The following DOCK1 variants were observed in gnomAD, a reference collection of about 807,000 sequenced individuals.
The protein encoded by DOCK1 is dedicator of cytokinesis 1, also known as dedicator of cytokinesis protein 1.
A neutral mutation model predicts 262.7 loss-of-function variants in DOCK1; 138 were observed. The ratio of observed to expected loss-of-function variants is 0.53; its 90% confidence interval spans 0.46 to 0.61. The LOEUF (loss-of-function observed/expected upper bound fraction) is 0.61, where lower values mean the gene tolerates loss of function less well. Among genes scored for constraint, DOCK1 ranks in the 20% least tolerant of loss-of-function variants. The pLI is 0.00. For synonymous variants in DOCK1, 866 were observed against 867.4 expected, an observed-to-expected ratio of 1.00 and a Z score of 0.03; for missense variants, 1,908 against 2,370.7, an observed-to-expected ratio of 0.80 and a Z score of 4.05.
At chr10:127,336,748 C>T (rs1368797592) in intron 29 of DOCK1, among the ~76,000 whole-genome samples, 3 of 152,080 alleles carry the variant, frequency 2.0e-5, no homozygotes, top group Non-Finnish European at 2.9e-5. Flanking sequence ...ACTGTGTTAG[C>T]CAGGATGGTC....
intron 29 of DOCK1, among the ~76,000 whole-genome samples, chr10:127,326,638 A>G (rs1049393290): frequency 2.6e-5 from 4 of 152,232 alleles, no homozygotes; most frequent in East Asian, 1.9e-4. Flanking sequence ...TCCAAACTCC[A>G]GTTAATGTTG....
At chr10:127,028,105 T>G (rs980866301) in intron 16 of DOCK1, among the ~76,000 whole-genome samples, 1 of 151,988 alleles carries the variant, frequency 6.6e-6, no homozygotes, top group East Asian at 1.9e-4. Flanking sequence ...GCCGAAAGCA[T>G]CATTGCATTC....
At position 127,000,289 on chromosome 10, in the gene DOCK1, C is replaced by G. The variant is rs772785460; in HGVS notation, c.967C>G (p.Arg323Gly). The G allele has an allele frequency of 5.0e-6, 8 of 1,613,904 alleles. No homozygotes were observed. Among genetic ancestry groups the G allele is most frequent in the Non-Finnish European group, 2.5e-6 (3 of 1,179,834 alleles). Residue 323 changes from arginine to glycine, a missense_variant, in exon 10 of 52, where the codon CGA becomes GGA. Around this residue, in one of 9 missense-constraint regions of DOCK1, gnomAD observed 102 missense variants for 154.9 expected, o/e 0.66. Transcript: ENST00000623213. ...CAGGAAACTGACCTCGGGGTTGCGG[C>G]GACCTTTTGGAGTGGCTGGTAATCT... is the stretch of plus-strand genomic sequence containing the variant. ...NTRKLTSGLR[R>G]PFGVAVMDVT...
At position 127,196,456 on chromosome 10, in the gene DOCK1, G is replaced by A. The variant is rs182429966; in HGVS notation, c.2848-51552G>A. 2.8e-3 allele frequency among the ~76,000 whole-genome samples: 422 copies of A among 148,648 alleles called. 2 individuals are homozygous for A. Among genetic ancestry groups the A allele is most frequent in the African/African-American group, 9.9e-3 (407 of 41,202 alleles). On this transcript the variant is annotated intron_variant, in intron 27 of 51. Coordinates refer to ENST00000623213, the MANE Select transcript of DOCK1 (RefSeq NM_001290223.2). ...CAGGAGGCGGGGGCGGGGCAGAGGA[G>A]GGAGCAGGAGGGAAGTCCTTTCCGC...
intron 27 of DOCK1, among the ~76,000 whole-genome samples, chr10:127,229,528 C>T (rs1564919787): frequency 6.6e-6 from 1 of 152,228 alleles, no homozygotes; most frequent in East Asian, 1.9e-4. Context: ...AAATAATGCC[C>T]TCCAGGTCCA....
intron 1 of DOCK1, among the ~76,000 whole-genome samples, chr10:126,912,550 C>G (rs558456045): frequency 6.6e-6 from 1 of 151,420 alleles, no homozygotes; most frequent in East Asian, 2.0e-4. Flanking sequence ...CACGGTGAAA[C>G]CCTGTCTCTA....
intron 29 of DOCK1, among the ~76,000 whole-genome samples, chr10:127,322,948 C>T (rs924245884): frequency 6.6e-6 from 1 of 152,244 alleles, no homozygotes; most frequent in African/African-American, 2.4e-5. Flanking sequence ...TAATCAATCA[C>T]TCTGATGTAA....
At chr10:127,074,185 A>G (rs1301101581) in intron 23 of DOCK1, among the ~76,000 whole-genome samples, 2 of 152,222 alleles carry the variant, frequency 1.3e-5, no homozygotes, top group Admixed American at 6.5e-5. Context: ...ACTTTTGTGT[A>G]TGTATTGATG....
At chr10:127,317,041 G>T (rs1332630523) in intron 29 of DOCK1, among the ~76,000 whole-genome samples, 1 of 151,950 alleles carries the variant, frequency 6.6e-6, no homozygotes, top group Non-Finnish European at 1.5e-5. Context: ...CATTTTCCTG[G>T]ATTATTTCCC....
intron 29 of DOCK1, among the ~76,000 whole-genome samples, chr10:127,310,015 A>G (rs2062007787): frequency 6.6e-6 from 1 of 151,964 alleles, no homozygotes; most frequent in African/African-American, 2.4e-5. Context: ...AGCTGGGACT[A>G]CAAGCACGTG....
chr10:126,937,467 T>C (rs1230751153), intron 1 of DOCK1, among the ~76,000 whole-genome samples: 1 of 152,116 alleles, frequency 6.6e-6, no homozygotes, highest in East Asian at 1.9e-4. Context: ...TACACAGGGG[T>C]TTGAGTTTCT....
chr10:127,076,870 G>A (rs895503399), intron 23 of DOCK1, among the ~76,000 whole-genome samples: 4 of 152,152 alleles, frequency 2.6e-5, no homozygotes, highest in Admixed American at 6.5e-5. Flanking sequence ...TGTCCCTGGG[G>A]TGCAGGAATT....
At chr10:126,987,092 G>A (rs963926937) in intron 4 of DOCK1, among the ~76,000 whole-genome samples, 18 of 152,088 alleles carry the variant, frequency 1.2e-4, no homozygotes, top group African/African-American at 3.6e-4. Context: ...TGAGTTTTAT[G>A]CGTGATGGAA....
intron 27 of DOCK1, among the ~76,000 whole-genome samples, chr10:127,150,927 G>T (rs931418590): frequency 1.3e-5 from 2 of 152,266 alleles, no homozygotes. Context: ...GAAAACGTCT[G>T]GGCCTCACCT....
intron 29 of DOCK1, among the ~76,000 whole-genome samples, chr10:127,337,572 G>A (rs1165730684): frequency 2.0e-5 from 3 of 152,116 alleles, no homozygotes; most frequent in Non-Finnish European, 4.4e-5. Context: ...GCAACCCTGC[G>A]GCTGAGGAAT....
intron 23 of DOCK1, among the ~76,000 whole-genome samples, chr10:127,076,713 C>G (rs772030399): frequency 1.3e-5 from 2 of 152,140 alleles, no homozygotes; most frequent in African/African-American, 4.8e-5. Flanking sequence ...ATTGGTGGAG[C>G]TGCTCCATTG....
Position 127,419,736 on chromosome 10 carries a change from T to C in DOCK1, c.4763T>C (p.Leu1588Pro). Residue 1588 changes from leucine to proline, a missense_variant, in exon 46 of 52, where the codon CTG (leucine) becomes CCG (proline). Physicochemically the swap from Leu to Pro is moderately conservative, Grantham distance 98 (BLOSUM62 -3). Transcript: ENST00000623213. ...AHEKIEKLKDLIAWQIPFLAE... is the reference protein window; with the variant it reads ...AHEKIEKLKDPIAWQIPFLAE... ...GAAAAGATCGAGAAGCTCAAGGACCTGATTGCTTGGCAGGTAAAGTGTCCA... is the reference window on the plus strand; with the variant it reads ...GAAAAGATCGAGAAGCTCAAGGACCCGATTGCTTGGCAGGTAAAGTGTCCA... 1 of 1,598,262 alleles carries C rather than the reference T, an allele frequency of 6.3e-7. No individual in the cohort carries two copies. The highest frequency in any genetic ancestry group is 8.5e-7 in the Non-Finnish European group (1 of 1,172,010).
chr10:127,008,936 T>C lies in DOCK1; in HGVS notation c.1058+132T>C, dbSNP rs905152358. On this transcript the variant is annotated intron_variant, in intron 11 of 51. Transcript: ENST00000623213. Reference sequence around the variant, plus strand: ...ATTTTGTAATTATGAAAAACCTCTTTAGTCACTGCTGTAGTACATGGAATT... The same window carrying C: ...ATTTTGTAATTATGAAAAACCTCTTCAGTCACTGCTGTAGTACATGGAATT... The C allele has an allele frequency of 1.1e-4, 103 of 900,678 alleles. No individual in the cohort carries two copies. The Admixed American group carries it at 2.2e-3, about 20-fold the overall frequency. 55.8% of individuals were successfully genotyped at this position (900,678 alleles called of 1,614,324 possible). A position where few individuals can be genotyped will look rare whatever the true frequency, so the allele number is the denominator to read the frequency against.
intron 27 of DOCK1, among the ~76,000 whole-genome samples, chr10:127,138,786 G>C (rs950418419): frequency 6.6e-6 from 1 of 152,188 alleles, no homozygotes; most frequent in Non-Finnish European, 1.5e-5. Flanking sequence ...TTAGAAGATG[G>C]TGTTAAAGAT....
Sources: gnomAD v4.1 joint callset for allele counts (sites outside exome capture counted in the v4.1 genomes callset) on GRCh38, gnomAD v4.1.1 for gene constraint, gnomAD v4.1.1 regional missense constraint, MANE v1.5 for transcripts, NCBI Gene and HGNC (gene_info 2026-07-23, HGNC 2026-07-21) for gene names.